ICE2: variants seen among roughly 807,000 people sequenced by gnomAD.
ICE2 encodes the protein little elongation complex subunit 2.
Under a neutral mutation model 105.4 loss-of-function variants are expected in ICE2, and 87 were observed. The observed-to-expected ratio is 0.83, with a 90% CI of 0.69 to 0.99. The LOEUF is 0.99. Ranked by LOEUF, ICE2 falls within the 50% of genes least tolerant of loss-of-function variation. The probability of loss-of-function intolerance (pLI) is 0.00; values close to 1 mark genes in which losing one functional copy is unlikely to be tolerated. For missense variants in ICE2, 1,323 were observed against 1,146.7 expected, an observed-to-expected ratio of 1.15 and a Z score of -2.22; for synonymous variants, 399 against 392.0, an observed-to-expected ratio of 1.02 and a Z score of -0.21.
rs184516510 is a variant in ICE2 at position 60,477,128 on chromosome 15, T to C, written c.41+809A>G. Among the ~76,000 whole-genome samples the C allele has an allele frequency of 3.4e-4, 52 of 152,348 alleles. 1 individual carries two copies. The highest frequency in any genetic ancestry group is 2.8e-3 in the Admixed American group (43 of 15,314). On this transcript the variant is annotated intron_variant, in intron 2 of 15. Transcript: ENST00000261520. ...ATTTATCCAAAAAACTATATTAAGGTATTAATGGTAAAATTAGAAAGTCTT... is the reference window on the plus strand; with the variant it reads ...ATTTATCCAAAAAACTATATTAAGGCATTAATGGTAAAATTAGAAAGTCTT...
chr15:60,466,771 C>G, intron 4 of ICE2, 58 bp from the exon 5 acceptor site: 1 of 1,292,478 alleles, frequency 7.7e-7, no homozygotes, highest in Non-Finnish European at 1.1e-6. Flanking sequence ...AAAAGAATCA[C>G]ATTCTTAATC....
At chr15:60,445,496 G>A (rs1222621936) in intron 11 of ICE2, 3 of 832,680 alleles carry the variant, frequency 3.6e-6, no homozygotes, top group Non-Finnish European at 4.3e-6. Flanking sequence ...AATAACGGGG[G>A]CAATGTAAGC....
At chr15:60,440,539 A>G (rs1447371589) in intron 12 of ICE2, 2 of 152,168 alleles carry the variant, frequency 1.3e-5, no homozygotes, top group Non-Finnish European at 2.9e-5. Context: ...CTGAAAAAAG[A>G]GACTATAAGC....
chr15:60,456,601 A>ACACACACACG, intron 6 of ICE2, 56 bp downstream of exon 6: 1 of 721,754 alleles, frequency 1.4e-6, no homozygotes, highest in South Asian at 1.6e-5. Context: ...ACACACACAC[A>ACACACACACG]CACACACACT....
rs751729205 is a variant in ICE2 at position 60,449,141 on chromosome 15, G to C, written c.1826C>G (p.Ser609Cys). 1 of 1,614,018 alleles carries C rather than the reference G, an allele frequency of 6.2e-7. No individual in the cohort carries two copies. The highest frequency in any genetic ancestry group is 8.5e-7 in the Non-Finnish European group (1 of 1,179,920). Reference sequence around the variant, plus strand: ...GTTTCCTACAGAAGCCTGTCCTGAGGAAGAATTTGGACTAGCTGGTCTGGA... The same window carrying C: ...GTTTCCTACAGAAGCCTGTCCTGAGCAAGAATTTGGACTAGCTGGTCTGGA... Reference protein sequence around the residue: ...LSSRPASPNSSSGQASVGNQT... With the variant: ...LSSRPASPNSCSGQASVGNQT... Residue 609 changes from serine (S) to cysteine (C), a missense_variant, in exon 10 of 16, where the codon TCC (serine) becomes TGC (cysteine). Physicochemically the swap from Ser to Cys is moderately radical, Grantham distance 112 (BLOSUM62 -1). Coordinates refer to ENST00000261520, the MANE Select transcript of ICE2 (RefSeq NM_024611.6).
In ICE2 at chr15:60,448,123, G is replaced by T; in HGVS notation, c.2142C>A (p.Asp714Glu). The change falls in exon 11 of 16, where the codon GAC becomes GAA. Residue 714 changes from aspartate (D) to glutamate (E), a missense_variant. Asp to Glu is a conservative substitution (Grantham distance 45). Transcript: ENST00000261520. ...PKGRLPYELQDYVEDTSEYLA... is the reference protein window; with the variant it reads ...PKGRLPYELQEYVEDTSEYLA... The stretch of plus-strand genomic sequence containing the variant: ...GGTATTCCGATGTATCTTCAACATA[G>T]TCCTGAAGTTCATATGGCAATCCTT... 1 of 1,609,806 alleles carries T rather than the reference G, an allele frequency of 6.2e-7. No homozygotes were observed. The highest frequency in any genetic ancestry group is 8.5e-7 in the Non-Finnish European group (1 of 1,177,312).
At chr15:60,441,486 A>G (rs939462001) in intron 12 of ICE2, 19 of 152,204 alleles carry the variant, frequency 1.2e-4, no homozygotes, top group African/African-American at 4.1e-4. Context: ...ATTAGACTCA[A>G]CACAGAATTT....
At chr15:60,433,087 G>A (rs1339553497) in intron 13 of ICE2, among the ~76,000 whole-genome samples, 1 of 144,534 alleles carries the variant, frequency 6.9e-6, no homozygotes, top group African/African-American at 2.5e-5. Context: ...TAAAACACAG[G>A]TTTTTTTTTT....
At chr15:60,438,006 CA>C (rs943935551) in intron 12 of ICE2, 1 of 151,936 alleles carries the variant, frequency 6.6e-6, no homozygotes, top group Non-Finnish European at 1.5e-5. Flanking sequence ...TCTAGAATTC[CA>C]AAAAACAAAA....
At chr15:60,470,215 T>C (rs2064550793) in intron 3 of ICE2, among the ~76,000 whole-genome samples, 2 of 152,044 alleles carry the variant, frequency 1.3e-5, no homozygotes, top group South Asian at 4.2e-4. Context: ...GACAAGTCAA[T>C]GAAGAAGAAA....
rs559632353 is a variant in ICE2, at chr15:60,453,295, C to A, written c.1125+308G>T. The A allele has an allele frequency of 7.4e-5, 80 of 1,083,328 alleles. No individual in the cohort carries two copies. In the South Asian group the frequency reaches 2.7e-3, roughly 37 times the overall value. The allele number at this position is 1,083,328 out of a possible 1,614,324, so 67.1% of individuals were successfully genotyped here. A position where few individuals can be genotyped will look rare whatever the true frequency, so the allele number is the denominator to read the frequency against. Reference sequence around the variant, plus strand: ...AACAAAACCTCATATTAACCACCACCATCAAGGAGTTTTCACTACATACAT... The same window carrying A: ...AACAAAACCTCATATTAACCACCACAATCAAGGAGTTTTCACTACATACAT... On this transcript the variant is annotated intron_variant, in intron 9 of 15. Coordinates refer to ENST00000261520, the MANE Select transcript of ICE2 (RefSeq NM_024611.6).
At chr15:60,448,784 G>C (rs2063885259) in intron 10 of ICE2, 64 bp downstream of exon 10, 2 of 1,371,500 alleles carry the variant, frequency 1.5e-6, no homozygotes, top group Non-Finnish European at 2.0e-6. Flanking sequence ...AAGGAACGAG[G>C]GAGAAAAACC....
Position 60,476,167 on chromosome 15 carries a change from C to G in ICE2, c.42G>C (p.Trp14Cys), listed in dbSNP as rs749216338. ...TAAGGCCATTTTTGGGGGAAATATCCCTGTGAAACAAAGTAATTTACTTAC... is the reference window on the plus strand; with the variant it reads ...TAAGGCCATTTTTGGGGGAAATATCGCTGTGAAACAAAGTAATTTACTTAC... ...KMVISEPGLN[W>C]DISPKNGLKT... is the part of the protein sequence containing the mutation. Residue 14 changes from tryptophan to cysteine, a missense_variant and splice_region_variant, in exon 3 of 16, where the codon TGG becomes TGC. Coordinates refer to ENST00000261520, the MANE Select transcript of ICE2 (RefSeq NM_024611.6). The G allele has an allele frequency of 1.1e-5, 18 of 1,569,174 alleles. No individual in the cohort carries two copies. Among genetic ancestry groups the G allele is most frequent in the Non-Finnish European group, 1.6e-5 (18 of 1,149,160 alleles).
chr15:60,449,065 AG>A lies in ICE2; in HGVS notation c.1901del (p.Pro634LeufsTer16), dbSNP rs1335546403. On this transcript the variant is annotated frameshift_variant, in exon 10 of 16. Coordinates refer to ENST00000261520, the MANE Select transcript of ICE2 (RefSeq NM_024611.6). LOFTEE classifies it high-confidence loss of function. ...SPEESCVLKK[P>X]IKRVYKKFDP... ...CAAATTTTTTATATACTCGTTTGAT[AG>A]GTTTTTTTAAAACACATGACTCTTC... is the stretch of plus-strand genomic sequence containing the variant. 1 of 1,613,290 alleles carries A rather than the reference AG, an allele frequency of 6.2e-7. No homozygotes were observed. The highest frequency in any genetic ancestry group is 8.5e-7 in the Non-Finnish European group (1 of 1,179,626).
chr15:60,452,973 G>A (rs1388406090), intron 9 of ICE2: 14 of 983,990 alleles, frequency 1.4e-5, no homozygotes, highest in African/African-American at 1.7e-5. Context: ...GCTGACGCCT[G>A]TAATCCCAGC....
rs2063233452 is a variant in ICE2, at chr15:60,420,586, C to T, written c.*3048G>A. ...TTCTGTCCCTATCCTGCAGTTTTCTCTCTCATCTCCCATGTTCATAGCCTA... is the reference window on the plus strand; with the variant it reads ...TTCTGTCCCTATCCTGCAGTTTTCTTTCTCATCTCCCATGTTCATAGCCTA... On this transcript the variant is annotated 3_prime_UTR_variant, in exon 16 of 16. Coordinates refer to ENST00000261520, the MANE Select transcript of ICE2 (RefSeq NM_024611.6). 6.6e-6 allele frequency: 1 copy of T among 152,206 alleles called. No individual in the cohort carries two copies. The highest frequency in any genetic ancestry group is 1.5e-5 in the Non-Finnish European group (1 of 68,038). The allele number at this position is 152,206 out of a possible 1,614,324, so 9.4% of individuals were successfully genotyped here. A position where few individuals can be genotyped will look rare whatever the true frequency, so the allele number is the denominator to read the frequency against.
At chr15:60,451,361 C>T in intron 9 of ICE2, 1 of 932,358 alleles carries the variant, frequency 1.1e-6, no homozygotes, top group Non-Finnish European at 1.3e-6. Context: ...AAGAAAATCT[C>T]AATATAGACC....
rs763733252 is a variant in ICE2, at chr15:60,449,753, G to A, written c.1214C>T (p.Thr405Ile). 4 of 1,614,098 alleles carry A rather than the reference G, an allele frequency of 2.5e-6. No individual in the cohort carries two copies. Among genetic ancestry groups the A allele is most frequent in the Non-Finnish European group, 3.4e-6 (4 of 1,180,008 alleles). Reference protein sequence around the residue: ...DFDDDVTELETFGVTTTKVSK... With the variant: ...DFDDDVTELEIFGVTTTKVSK... Reference sequence around the variant, plus strand: ...TACTTTGGTGGTGGTTACTCCAAAAGTTTCAAGTTCTGTGACATCATCATC... The same window carrying A: ...TACTTTGGTGGTGGTTACTCCAAAAATTTCAAGTTCTGTGACATCATCATC... Residue 405 changes from threonine to isoleucine, a missense_variant, in exon 10 of 16, where the codon ACT becomes ATT. Thr to Ile is a moderately conservative substitution (Grantham distance 89). Coordinates refer to ENST00000261520, the MANE Select transcript of ICE2 (RefSeq NM_024611.6).
At chr15:60,465,750 CTTTTT>C in intron 5 of ICE2, among the ~76,000 whole-genome samples, 1 of 126,984 alleles carries the variant, frequency 7.9e-6, no homozygotes, top group African/African-American at 2.9e-5. Flanking sequence ...ATACTTTATT[CTTTTT>C]TTTTTTTTTT....
Sources: allele counts gnomAD v4.1 joint callset (sites outside exome capture counted in the v4.1 genomes callset), GRCh38; gene constraint gnomAD v4.1.1; transcripts MANE v1.5; gene names NCBI Gene and HGNC (gene_info 2026-07-23, HGNC 2026-07-21).